IRF4: variants seen among roughly 807,000 people sequenced by gnomAD.
IRF4 encodes the protein lymphocyte-specific interferon regulatory factor.
In IRF4, 13 loss-of-function variants were observed where a neutral mutation model predicts 55.5. The observed-to-expected ratio is 0.23, with a 90% CI of 0.15 to 0.37. IRF4 has a LOEUF of 0.37. IRF4 is among the 10% of genes least tolerant of loss of function. The pLI, the probability that IRF4 is intolerant of heterozygous loss-of-function variation, is 1.00. For missense variants in IRF4, 397 were observed against 593.8 expected, an observed-to-expected ratio of 0.67 and a Z score of 3.44; for synonymous variants, 249 against 240.7, an observed-to-expected ratio of 1.03 and a Z score of -0.32.
chr6:393,342 C>G lies in IRF4; in HGVS notation c.190C>G (p.Arg64Gly). The part of the protein sequence containing the change: ...WKHAGKQDYN[R>G]EEDAALFKAW... ...GCACGCGGGCAAGCAGGACTACAAC[C>G]GCGAGGAGGACGCCGCGCTCTTCAA... Residue 64 changes from arginine to glycine, a missense_variant, in exon 2 of 9, where the codon CGC becomes GGC. This residue lies in a region of IRF4 where 341 missense variants were observed against 548.1 expected (regional missense o/e 0.62). Coordinates refer to ENST00000380956, the MANE Select transcript of IRF4 (RefSeq NM_002460.4). The surrounding 1 kb of genome is among the most constrained non-coding windows in gnomAD (Gnocchi z 5.4). 1 of 1,604,716 alleles carries G rather than the reference C, an allele frequency of 6.2e-7. No individual in the cohort carries two copies. The highest frequency in any genetic ancestry group is 8.5e-7 in the Non-Finnish European group (1 of 1,175,894).
chr6:391,895 G>A (rs1224636315), intron 1 of IRF4, 86 bp downstream of exon 1: 1 of 451,400 alleles, frequency 2.2e-6, no homozygotes, highest in Non-Finnish European at 4.5e-6. Context: ...CGACCTCCAG[G>A]GCAGCGCAGG....
chr6:395,047 G>C, intron 3 of IRF4, 40 bp downstream of exon 3: 2 of 1,488,940 alleles, frequency 1.3e-6, no homozygotes, highest in Non-Finnish European at 1.8e-6. Context: ...AACAGAGGCA[G>C]CCAGATCCTT....
At position 407,609 on chromosome 6, in the gene IRF4, G is replaced by T; in HGVS notation, c.*11G>T. 2.0e-6 allele frequency: 3 copies of T among 1,516,926 alleles called. No individual in the cohort carries two copies. The highest frequency in any genetic ancestry group is 4.5e-5 in the East Asian group (2 of 44,252). 94.0% of individuals were successfully genotyped at this position (1,516,926 alleles called of 1,614,324 possible). On this transcript the variant is annotated 3_prime_UTR_variant, in exon 9 of 9. Transcript: ENST00000380956. Reference sequence around the variant, plus strand: ...TCTATTCAAGAATGAAAAATGTCAAGATGAGTGGTTTTCTTTTTCCTTTTT... The same window carrying T: ...TCTATTCAAGAATGAAAAATGTCAATATGAGTGGTTTTCTTTTTCCTTTTT...
At chr6:395,035 CT>C (rs1761216440) in intron 3 of IRF4, 28 bp downstream of exon 3, 3 of 1,538,200 alleles carry the variant, frequency 2.0e-6, no homozygotes, top group Non-Finnish European at 1.8e-6. Context: ...TTTGGGTCAC[CT>C]AACAGAGGCA....
intron 7 of IRF4, among the ~76,000 whole-genome samples, chr6:402,950 T>C (rs1285677596): frequency 2.6e-5 from 4 of 152,188 alleles, no homozygotes; most frequent in African/African-American, 9.7e-5. Context: ...AAGAATCGCT[T>C]GAACCTGTGG....
Position 397,313 on chromosome 6 carries a change from G to A in IRF4, c.637+61G>A, listed in dbSNP as rs938494699. ...AATTGCTAATGTGGCCATGGGCCAT[G>A]GCGAATCCTGGTCTGTCCTGGGCAG... On this transcript the variant is annotated intron_variant, in intron 5 of 8. Coordinates refer to ENST00000380956, the MANE Select transcript of IRF4 (RefSeq NM_002460.4). 3 of 1,577,200 alleles carry A rather than the reference G, an allele frequency of 1.9e-6. No homozygotes were observed. In the African/African-American group the frequency reaches 4.0e-5, roughly 21 times the overall value.
rs947407863 is a variant in IRF4 at position 391,773 on chromosome 6, G to A, written c.-92G>A. 1 of 456,178 alleles carries A rather than the reference G, an allele frequency of 2.2e-6. No homozygotes were observed. Among genetic ancestry groups the A allele is most frequent in the Non-Finnish European group, 4.4e-6 (1 of 226,950 alleles). 28.3% of individuals were successfully genotyped at this position (456,178 alleles called of 1,614,324 possible). A position where few individuals can be genotyped will look rare whatever the true frequency, so the allele number is the denominator to read the frequency against. On this transcript the variant is annotated 5_prime_UTR_variant, in exon 1 of 9. Coordinates refer to ENST00000380956, the MANE Select transcript of IRF4 (RefSeq NM_002460.4). ...TCTCAGTTTCACCGCTCGATCTTGG[G>A]ACCCACCGCTGCCCTCAGCTCCGAG...
chr6:393,428 G>A lies in IRF4; in HGVS notation c.216+60G>A, dbSNP rs921517679. 23 of 1,260,000 alleles carry A rather than the reference G, an allele frequency of 1.8e-5. No homozygotes were observed. Among genetic ancestry groups the A allele is most frequent in the Non-Finnish European group, 2.3e-5 (22 of 958,094 alleles). The allele number at this position is 1,260,000 out of a possible 1,614,324, so 78.1% of individuals were successfully genotyped here. A position where few individuals can be genotyped will look rare whatever the true frequency, so the allele number is the denominator to read the frequency against. ...GGGAGGGCCCAGAGACAGAGCCCGG[G>A]GTCCCCGGCGCCGCCTCCGAGGCGA... is the stretch of plus-strand genomic sequence containing the variant. On this transcript the variant is annotated intron_variant, in intron 2 of 8. Transcript: ENST00000380956. This position sits in a 1 kb window ranked among gnomAD's most constrained non-coding sequence, Gnocchi z 5.4.
At chr6:395,225 G>C (rs906744261) in intron 3 of IRF4, among the ~76,000 whole-genome samples, 2 of 144,780 alleles carry the variant, frequency 1.4e-5, no homozygotes, top group African/African-American at 5.5e-5. Flanking sequence ...CACACTGTAT[G>C]CCTCAATGTA....
chr6:409,468 A>G lies in IRF4; in HGVS notation c.*1870A>G. 1 of 211,610 alleles carries G rather than the reference A, an allele frequency of 4.7e-6. No individual in the cohort carries two copies. The allele number at this position is 211,610 out of a possible 1,614,324, so 13.1% of individuals were successfully genotyped here. On this transcript the variant is annotated 3_prime_UTR_variant, in exon 9 of 9. Transcript: ENST00000380956. Reference sequence around the variant, plus strand: ...CTTAAAAAGAAAACCTCATGGAGTCATCTTGCACACACTTTCATGCAGTGC... The same window carrying G: ...CTTAAAAAGAAAACCTCATGGAGTCGTCTTGCACACACTTTCATGCAGTGC...
chr6:403,215 G>A (rs1473048962), intron 7 of IRF4, among the ~76,000 whole-genome samples: 4 of 152,218 alleles, frequency 2.6e-5, no homozygotes, highest in Admixed American at 1.3e-4. Flanking sequence ...TCTTGGGGTT[G>A]GGCATGGTGT....
At chr6:397,740 A>G (rs1306134613) in intron 5 of IRF4, among the ~76,000 whole-genome samples, 2 of 152,206 alleles carry the variant, frequency 1.3e-5, no homozygotes, top group East Asian at 3.8e-4. Flanking sequence ...TCCCAGAAAG[A>G]CTTGCTGATT....
At chr6:398,993 C>A in intron 6 of IRF4, 58 bp downstream of exon 6, 2 of 1,256,052 alleles carry the variant, frequency 1.6e-6, no homozygotes, top group South Asian at 2.6e-5. Context: ...GCTGCCAGCT[C>A]TGTCATCTTT....
chr6:395,253 T>G (rs1761223063), intron 3 of IRF4, among the ~76,000 whole-genome samples: 2 of 150,508 alleles, frequency 1.3e-5, no homozygotes, highest in African/African-American at 5.0e-5. Context: ...GGGGGTGCAT[T>G]GAATATGTGT....
In IRF4 at chr6:393,752, C is replaced by T. The variant is rs750525661; in HGVS notation, c.216+384C>T. Among the ~76,000 whole-genome samples, 1 of 152,214 alleles carries T rather than the reference C, an allele frequency of 6.6e-6. No individual in the cohort carries two copies. The highest frequency in any genetic ancestry group is 1.5e-5 in the Non-Finnish European group (1 of 68,020). ...CCTCCGTCCGTGGGTCCCCCTCGCC[C>T]TCTCCGTGCGTCCGCGCCTGTGCCG... On this transcript the variant is annotated intron_variant, in intron 2 of 8. Coordinates refer to ENST00000380956, the MANE Select transcript of IRF4 (RefSeq NM_002460.4). The surrounding 1 kb of genome is among the most constrained non-coding windows in gnomAD (Gnocchi z 5.4).
chr6:401,572 T>C lies in IRF4; in HGVS notation c.894T>C (p.Asn298=). 1 of 1,613,998 alleles carries C rather than the reference T, an allele frequency of 6.2e-7. No individual in the cohort carries two copies. The highest frequency in any genetic ancestry group is 1.3e-5 in the African/African-American group (1 of 75,018). Residue 298 remains asparagine, a synonymous_variant, in exon 7 of 9, where the codon AAT becomes AAC. Transcript: ENST00000380956. ...DQVLFPYPED[N]GQRKNIEKLL... is the part of the protein sequence containing the mutation. ...TCCTGTTCCCCTACCCAGAGGACAA[T>C]GGCCAGAGGAAAAACATTGAGAAGC...
chr6:401,384 C>A (rs939320685), intron 6 of IRF4, 40 bp from the exon 7 acceptor site: 2 of 1,525,002 alleles, frequency 1.3e-6, no homozygotes, highest in African/African-American at 2.7e-5. Context: ...AGGTGGTGTC[C>A]TTGGCCCCCA....
rs375044823 is a variant in IRF4 at position 393,727 on chromosome 6, C to G, written c.216+359C>G. Among the ~76,000 whole-genome samples the G allele has an allele frequency of 6.6e-6, 1 of 152,188 alleles. No homozygotes were observed. The highest frequency in any genetic ancestry group is 1.5e-5 in the Non-Finnish European group (1 of 68,028). ...CCTTCCTCCGGGCTCCCGTCTGCCG[C>G]CTCCGTCCGTGGGTCCCCCTCGCCC... is the stretch of plus-strand genomic sequence containing the variant. On this transcript the variant is annotated intron_variant, in intron 2 of 8. Transcript: ENST00000380956. The surrounding 1 kb of genome is among the most constrained non-coding windows in gnomAD (Gnocchi z 5.4).
intron 6 of IRF4, among the ~76,000 whole-genome samples, chr6:401,192 C>G (rs894025292): frequency 6.6e-6 from 1 of 152,204 alleles, no homozygotes; most frequent in African/African-American, 2.4e-5. Flanking sequence ...AAATGGGTTT[C>G]TTTCCACGGG....
Sources: gnomAD v4.1 joint callset for allele counts (sites outside exome capture counted in the v4.1 genomes callset) on GRCh38, gnomAD v4.1.1 for gene constraint, gnomAD v4.1.1 regional missense constraint, Gnocchi (gnomAD v3.1) non-coding constraint, MANE v1.5 for transcripts, NCBI Gene and HGNC (gene_info 2026-07-23, HGNC 2026-07-21) for gene names.